The following FEZ1 variants were observed in gnomAD, a reference collection of about 807,000 sequenced individuals.
FEZ1 encodes fasciculation and elongation protein zeta 1, also known as fasciculation and elongation protein zeta-1.
A neutral mutation model predicts 49.3 loss-of-function variants in FEZ1; 20 were observed. The observed-to-expected ratio is 0.41, with a 90% CI of 0.29 to 0.59. The LOEUF (loss-of-function observed/expected upper bound fraction) is 0.59. Among genes scored for constraint, FEZ1 ranks in the 20% least tolerant of loss-of-function variants. The probability of loss-of-function intolerance (pLI) is 0.36; values close to 1 mark genes in which losing one functional copy is unlikely to be tolerated. For missense variants in FEZ1, 413 were observed against 476.0 expected, an observed-to-expected ratio of 0.87 and a Z score of 1.23; for synonymous variants, 170 against 180.9, an observed-to-expected ratio of 0.94 and a Z score of 0.48.
At chr11:125,454,816 C>A (rs1161792921) in intron 6 of FEZ1, among the ~76,000 whole-genome samples, 1 of 151,608 alleles carries the variant, frequency 6.6e-6, no homozygotes, top group Admixed American at 6.6e-5. Context: ...GAGTTTGAGA[C>A]CAGCCTGACC....
In FEZ1 at chr11:125,455,207, A is replaced by G. The variant is rs56382976; in HGVS notation, c.939+628T>C. ...GGAGTTTGAGACCAGCCTGGCCAACATGGTGAAACCCCATCTCTACTAAAA... is the reference window on the plus strand; with the variant it reads ...GGAGTTTGAGACCAGCCTGGCCAACGTGGTGAAACCCCATCTCTACTAAAA... On this transcript the variant is annotated intron_variant, in intron 6 of 9. Transcript: ENST00000278919. 6.2e-3 allele frequency among the ~76,000 whole-genome samples: 948 copies of G among 152,138 alleles called. 5 individuals carry two copies. The highest frequency in any genetic ancestry group is 9.8e-3 in the Non-Finnish European group (666 of 68,000).
At chr11:125,446,825 G>A (rs1232110423) in intron 9 of FEZ1, among the ~76,000 whole-genome samples, 2 of 151,178 alleles carry the variant, frequency 1.3e-5, no homozygotes, top group East Asian at 2.0e-4. Context: ...CTACAGGCGC[G>A]CACCACTACA....
intron 7 of FEZ1, chr11:125,453,059 G>A (rs997728644): frequency 1.3e-5 from 2 of 151,962 alleles, no homozygotes; most frequent in Admixed American, 1.3e-4. Flanking sequence ...CCGGGTTTAA[G>A]CGATTCTCCT....
chr11:125,463,569 A>G lies in FEZ1; in HGVS notation c.413T>C (p.Ile138Thr). The G allele has an allele frequency of 6.3e-7, 1 of 1,597,306 alleles. No homozygotes were observed. Residue 138 changes from isoleucine (I) to threonine (T), a missense_variant and splice_region_variant, in exon 4 of 10, where the codon ATC becomes ACC. Transcript: ENST00000278919. ...ALNGNCSDTE[I>T]HEKEEEEFNE... ...GAACTCTTCCTCTTCTTTCTCATGG[A>G]TCTGGAGAGGAGGTGGGGAGATGGA...
chr11:125,484,646 C>T (rs1957311320), intron 2 of FEZ1, among the ~76,000 whole-genome samples: 1 of 123,056 alleles, frequency 8.1e-6, no homozygotes, highest in African/African-American at 3.2e-5. Flanking sequence ...CCATCCTGGG[C>T]AACAAGAGTG....
intron 5 of FEZ1, among the ~76,000 whole-genome samples, chr11:125,459,506 C>A (rs1032181310): frequency 6.6e-6 from 1 of 151,680 alleles, no homozygotes; most frequent in Non-Finnish European, 1.5e-5. Flanking sequence ...GCAGGAGAAT[C>A]GCGTGAAGCT....
intron 5 of FEZ1, among the ~76,000 whole-genome samples, chr11:125,456,662 C>T (rs1430796138): frequency 6.6e-6 from 1 of 152,036 alleles, no homozygotes; most frequent in East Asian, 1.9e-4. Context: ...GGTGACTATG[C>T]ATGAAAAAAT....
intron 2 of FEZ1, among the ~76,000 whole-genome samples, chr11:125,486,829 C>T (rs1012936568): frequency 1.3e-5 from 2 of 152,148 alleles, no homozygotes; most frequent in African/African-American, 2.4e-5. Flanking sequence ...TTTACTTAGC[C>T]ATAATTTCAC....
intron 9 of FEZ1, among the ~76,000 whole-genome samples, chr11:125,447,898 G>C (rs1195952759): frequency 3.3e-5 from 5 of 151,986 alleles, no homozygotes; most frequent in Admixed American, 6.6e-5. Context: ...TTCCTCAAGA[G>C]TTCCTATGTT....
rs530335914 is a variant in FEZ1, at chr11:125,494,128, T to C, written c.-46+1993A>G. Among the ~76,000 whole-genome samples, 4 of 152,340 alleles carry C rather than the reference T, an allele frequency of 2.6e-5. No homozygotes were observed. The East Asian group carries it at 7.7e-4, about 29-fold the overall frequency. On this transcript the variant is annotated intron_variant, in intron 1 of 9. Coordinates refer to ENST00000278919, the MANE Select transcript of FEZ1 (RefSeq NM_005103.5). ...TCATTATCCAAGAGCCAAGAAGTGC[T>C]GCATGAATGACCATCTGGAGATGAA...
rs1243380025 is a variant in FEZ1 at position 125,495,336 on chromosome 11, G to C, written c.-46+785C>G. 1 of 468,512 alleles carries C rather than the reference G, an allele frequency of 2.1e-6. No homozygotes were observed. Among genetic ancestry groups the C allele is most frequent in the South Asian group, 1.6e-5 (1 of 64,286 alleles). The allele number at this position is 468,512 out of a possible 1,614,324, so 29.0% of individuals were successfully genotyped here. A position where few individuals can be genotyped will look rare whatever the true frequency, so the allele number is the denominator to read the frequency against. On this transcript the variant is annotated intron_variant, in intron 1 of 9. Coordinates refer to ENST00000278919, the MANE Select transcript of FEZ1 (RefSeq NM_005103.5). The surrounding 1 kb of genome is among the most constrained non-coding windows in gnomAD (Gnocchi z 4.2). The stretch of plus-strand genomic sequence containing the variant: ...GAGGGATGAGAGTCGGGGATGCCTA[G>C]CGGCGAGGAGAGAAGGGATAGGCAA...
rs1383966485 is a variant in FEZ1, at chr11:125,452,521, T to G, written c.1021-112A>C. On this transcript the variant is annotated intron_variant, in intron 7 of 9. Transcript: ENST00000278919. ...TGCAAATCTGACCTTCTCTGAAACA[T>G]TCATGGTCACTGGTACGTCACTGTT... 3 of 685,730 alleles carry G rather than the reference T, an allele frequency of 4.4e-6. No homozygotes were observed. The African/African-American group carries it at 5.3e-5, about 12-fold the overall frequency. The allele number at this position is 685,730 out of a possible 1,614,324, so 42.5% of individuals were successfully genotyped here. A position where few individuals can be genotyped will look rare whatever the true frequency, so the allele number is the denominator to read the frequency against.
intron 9 of FEZ1, among the ~76,000 whole-genome samples, chr11:125,447,845 C>G (rs1375070341): frequency 6.9e-6 from 1 of 145,416 alleles, no homozygotes; most frequent in Admixed American, 6.9e-5. Flanking sequence ...AAGAAAGAAA[C>G]TCTTCATTTG....
intron 3 of FEZ1, among the ~76,000 whole-genome samples, chr11:125,478,628 T>C (rs1957253800): frequency 1.3e-5 from 2 of 152,184 alleles, no homozygotes; most frequent in Admixed American, 1.3e-4. Flanking sequence ...ATAGAGCTCC[T>C]ACTGTAATTA....
In FEZ1 at chr11:125,495,323, T is replaced by A. The variant is rs1355762933; in HGVS notation, c.-46+798A>T. On this transcript the variant is annotated intron_variant, in intron 1 of 9. Transcript: ENST00000278919. This position sits in a 1 kb window ranked among gnomAD's most constrained non-coding sequence, Gnocchi z 4.2. ...CCCGGACACGGGAGAGGGATGAGAG[T>A]CGGGGATGCCTAGCGGCGAGGAGAG... 2.2e-6 allele frequency: 1 copy of A among 463,294 alleles called. No homozygotes were observed. The highest frequency in any genetic ancestry group is 2.0e-5 in the African/African-American group (1 of 49,688). 28.7% of individuals were successfully genotyped at this position (463,294 alleles called of 1,614,324 possible). A position where few individuals can be genotyped will look rare whatever the true frequency, so the allele number is the denominator to read the frequency against.
At chr11:125,480,764 G>A (rs1252416084) in intron 3 of FEZ1, among the ~76,000 whole-genome samples, 3 of 152,186 alleles carry the variant, frequency 2.0e-5, no homozygotes, top group Non-Finnish European at 4.4e-5. Flanking sequence ...GGCAGGCTGG[G>A]TGTGGTGGCT....
In FEZ1 at chr11:125,445,876, G is replaced by T. The variant is rs1252426157; in HGVS notation, c.*219C>A. 2.0e-5 allele frequency: 12 copies of T among 597,982 alleles called. No homozygotes were observed. The highest frequency in any genetic ancestry group is 3.7e-5 in the Non-Finnish European group (12 of 320,480). 37.0% of individuals were successfully genotyped at this position (597,982 alleles called of 1,614,324 possible). Reference sequence around the variant, plus strand: ...CTTCCCCTCTCCTGACACCAGCAAGGGGGAGGCACCATCACCGGCCCTGCC... The same window carrying T: ...CTTCCCCTCTCCTGACACCAGCAAGTGGGAGGCACCATCACCGGCCCTGCC... On this transcript the variant is annotated 3_prime_UTR_variant, in exon 10 of 10. Coordinates refer to ENST00000278919, the MANE Select transcript of FEZ1 (RefSeq NM_005103.5). This position sits in a 1 kb window ranked among gnomAD's most constrained non-coding sequence, Gnocchi z 4.4.
intron 7 of FEZ1, chr11:125,453,787 A>C: frequency 5.8e-6 from 1 of 173,656 alleles, no homozygotes; most frequent in Non-Finnish European, 1.2e-5. Flanking sequence ...AGTGTGGTGG[A>C]AAGTTAACTA....
intron 2 of FEZ1, among the ~76,000 whole-genome samples, chr11:125,482,673 ATAT>A (rs1957293308): frequency 1.3e-5 from 2 of 152,182 alleles, no homozygotes; most frequent in Non-Finnish European, 2.9e-5. Flanking sequence ...ACCTGAATTA[ATAT>A]TAATGAGGCC....
Sources: allele counts gnomAD v4.1 joint callset (sites outside exome capture counted in the v4.1 genomes callset), GRCh38; gene constraint gnomAD v4.1.1; non-coding constraint Gnocchi (gnomAD v3.1); transcripts MANE v1.5; gene names NCBI Gene and HGNC (gene_info 2026-07-23, HGNC 2026-07-21).